Variants in ST6GALNAC3 observed in about 807,000 individuals in gnomAD.
ST6GALNAC3 encodes the protein ST6 N-acetylgalactosaminide alpha-2,6-sialyltransferase 3.
In ST6GALNAC3, 25 loss-of-function variants were observed where a neutral mutation model predicts 32.7. The observed-to-expected ratio is 0.76, with a 90% CI of 0.56 to 1.07. The LOEUF (loss-of-function observed/expected upper bound fraction) is 1.07. Ranked by LOEUF, ST6GALNAC3 falls within the 50% of genes least tolerant of loss-of-function variation. The probability of loss-of-function intolerance (pLI) is 0.00; values close to 1 mark genes in which losing one functional copy is unlikely to be tolerated. For missense variants in ST6GALNAC3, 355 were observed against 382.4 expected, an observed-to-expected ratio of 0.93 and a Z score of 0.60; for synonymous variants, 129 against 133.1, an observed-to-expected ratio of 0.97 and a Z score of 0.21.
At chr1:76,400,038 G>A (rs1034887794) in intron 2 of ST6GALNAC3, among the ~76,000 whole-genome samples, 2 of 151,422 alleles carry the variant, frequency 1.3e-5, no homozygotes, top group African/African-American at 2.4e-5. Context: ...ATTTTTTCAT[G>A]ACCTCAGTAT....
chr1:76,220,474 T>C (rs1655704373), intron 1 of ST6GALNAC3, among the ~76,000 whole-genome samples: 1 of 152,238 alleles, frequency 6.6e-6, no homozygotes, highest in East Asian at 1.9e-4. Flanking sequence ...ATTTAACTAA[T>C]ATTTGAGGGC....
chr1:76,127,047 C>G (rs915628719), intron 1 of ST6GALNAC3, among the ~76,000 whole-genome samples: 1 of 152,166 alleles, frequency 6.6e-6, no homozygotes, highest in African/African-American at 2.4e-5. Context: ...TTGCAGTGAT[C>G]TTTTAAAAGG....
chr1:76,279,989 C>T (rs140774938), intron 1 of ST6GALNAC3, among the ~76,000 whole-genome samples: 124,842 of 151,776 alleles, frequency 0.82, 51,598 homozygotes, highest in African/African-American at 0.89. Flanking sequence ...CTGTCTCTCT[C>T]CTGTCTTTTC....
Position 76,630,753 on chromosome 1 carries a change from T to C in ST6GALNAC3, c.*1947T>C. 1 of 985,688 alleles carries C rather than the reference T, an allele frequency of 1.0e-6. No homozygotes were observed. The highest frequency in any genetic ancestry group is 1.7e-5 in the African/African-American group (1 of 57,326). The allele number at this position is 985,688 out of a possible 1,614,324, so 61.1% of individuals were successfully genotyped here. On this transcript the variant is annotated 3_prime_UTR_variant, in exon 5 of 5. Coordinates refer to ENST00000328299, the MANE Select transcript of ST6GALNAC3 (RefSeq NM_152996.4). ...CATTACTAAGCCCCAGTTCTATCGTTGGAAGGAGTTGTTATTCTTTTGTTG... is the reference window on the plus strand; with the variant it reads ...CATTACTAAGCCCCAGTTCTATCGTCGGAAGGAGTTGTTATTCTTTTGTTG...
At chr1:76,387,254 C>G (rs1652167866) in intron 2 of ST6GALNAC3, among the ~76,000 whole-genome samples, 1 of 152,062 alleles carries the variant, frequency 6.6e-6, no homozygotes, top group Non-Finnish European at 1.5e-5. Flanking sequence ...CCTCTCGGCA[C>G]TAAATGTAAG....
At chr1:76,325,396 TCTCTTTC>T (rs1319857349) in intron 2 of ST6GALNAC3, among the ~76,000 whole-genome samples, 2 of 152,144 alleles carry the variant, frequency 1.3e-5, no homozygotes, top group African/African-American at 4.8e-5. Context: ...GGCTTTCTAA[TCTCTTTC>T]ATCTATACTT....
chr1:76,453,653 A>T, intron 3 of ST6GALNAC3, among the ~76,000 whole-genome samples: 1 of 151,982 alleles, frequency 6.6e-6, no homozygotes, highest in East Asian at 1.9e-4. Context: ...GCTTGATATA[A>T]TTTCAATTTT....
intron 1 of ST6GALNAC3, among the ~76,000 whole-genome samples, chr1:76,152,637 C>T (rs779711744): frequency 1.9e-4 from 29 of 152,162 alleles, no homozygotes; most frequent in Admixed American, 8.5e-4. Context: ...ACCATGGCCT[C>T]CTGACAGAAT....
At position 76,110,714 on chromosome 1, in the gene ST6GALNAC3, T is replaced by C. The variant is rs141578369; in HGVS notation, c.18+35830T>C. On this transcript the variant is annotated intron_variant, in intron 1 of 4. Transcript: ENST00000328299. ...TTGGCACAACAAGGCTGCCTCCTCA[T>C]GGTCTTTGGTCCCAACAAGTTCAAT... Among the ~76,000 whole-genome samples the C allele has an allele frequency of 4.0e-3, 614 of 152,356 alleles. 7 individuals carry two copies. The highest frequency in any genetic ancestry group is 0.014 in the African/African-American group (565 of 41,580).
chr1:76,189,026 C>A (rs772253797), intron 1 of ST6GALNAC3, among the ~76,000 whole-genome samples: 6 of 152,338 alleles, frequency 3.9e-5, no homozygotes, highest in Admixed American at 6.5e-5. Flanking sequence ...CCTGCATAGG[C>A]ATTTGAATTA....
At chr1:76,520,916 A>G (rs1446743120) in intron 3 of ST6GALNAC3, among the ~76,000 whole-genome samples, 2 of 152,012 alleles carry the variant, frequency 1.3e-5, no homozygotes, top group East Asian at 3.9e-4. Flanking sequence ...TTGTTTGTTA[A>G]TGTACTTATT....
intron 1 of ST6GALNAC3, among the ~76,000 whole-genome samples, chr1:76,126,473 T>A (rs1649257810): frequency 6.8e-6 from 1 of 147,200 alleles, no homozygotes; most frequent in Non-Finnish European, 1.5e-5. Flanking sequence ...TCTCGCTCTC[T>A]TTCATGACGA....
intron 3 of ST6GALNAC3, among the ~76,000 whole-genome samples, chr1:76,510,755 A>G (rs1661805684): frequency 6.6e-6 from 1 of 152,206 alleles, no homozygotes; most frequent in Non-Finnish European, 1.5e-5. Context: ...CTTACCGGAA[A>G]CATGCTCAGA....
intron 2 of ST6GALNAC3, among the ~76,000 whole-genome samples, chr1:76,404,544 G>C (rs1653678300): frequency 2.6e-5 from 4 of 151,950 alleles, no homozygotes. Flanking sequence ...ACCTCAAAAA[G>C]AACATCAAGG....
At chr1:76,635,938 T>C (rs1370446188), downstream of ST6GALNAC3, among the ~76,000 whole-genome samples, 2 of 152,140 alleles carry the variant, frequency 1.3e-5, no homozygotes, top group Non-Finnish European at 2.9e-5. Flanking sequence ...GGAAAAGAAT[T>C]TGATGAACAT....
intron 1 of ST6GALNAC3, among the ~76,000 whole-genome samples, chr1:76,084,655 A>G (rs1190835211): frequency 2.0e-5 from 3 of 152,210 alleles, no homozygotes; most frequent in African/African-American, 2.4e-5. Flanking sequence ...CTGTGTGCAT[A>G]AATTCAGCGA....
chr1:76,293,864 A>G lies in ST6GALNAC3; in HGVS notation c.19-19941A>G, dbSNP rs146387986. Among the ~76,000 whole-genome samples the G allele has an allele frequency of 5.9e-5, 9 of 152,188 alleles. No individual in the cohort carries two copies. In the East Asian group the frequency reaches 1.4e-3, roughly 23 times the overall value. ...ACATTATAAGTAGAAGTGTGTGTGT[A>G]TGTGTGTGAGGGAGGGGTATACACA... On this transcript the variant is annotated intron_variant, in intron 1 of 4. Coordinates refer to ENST00000328299, the MANE Select transcript of ST6GALNAC3 (RefSeq NM_152996.4).
chr1:76,498,834 C>A (rs1661011147), intron 3 of ST6GALNAC3, among the ~76,000 whole-genome samples: 1 of 151,914 alleles, frequency 6.6e-6, no homozygotes, highest in South Asian at 2.1e-4. Context: ...TGGGAAGAGA[C>A]TCTGCTTTTC....
At chr1:76,600,110 G>T (rs981719511) in intron 3 of ST6GALNAC3, among the ~76,000 whole-genome samples, 1 of 152,028 alleles carries the variant, frequency 6.6e-6, no homozygotes, top group Non-Finnish European at 1.5e-5. Context: ...AAGAGTTCAT[G>T]AGCGTGGGGT....
Sources: allele counts gnomAD v4.1 joint callset (sites outside exome capture counted in the v4.1 genomes callset), GRCh38; gene constraint gnomAD v4.1.1; transcripts MANE v1.5; gene names NCBI Gene and HGNC (gene_info 2026-07-23, HGNC 2026-07-21).